The following TMEM196 variants were observed in gnomAD, a reference collection of about 807,000 sequenced individuals.
TMEM196 encodes the protein transmembrane protein 196.
In TMEM196, 17 loss-of-function variants were observed where a neutral mutation model predicts 20.0. That is an observed-to-expected ratio of 0.85 (90% confidence interval 0.58 to 1.27). TMEM196 has a LOEUF of 1.27. Ranked by LOEUF, TMEM196 falls within the 50% of genes most tolerant of loss-of-function variation. The pLI is 0.00. For synonymous variants in TMEM196, 113 were observed against 88.9 expected, an observed-to-expected ratio of 1.27 and a Z score of -1.52; for missense variants, 267 against 223.0, an observed-to-expected ratio of 1.20 and a Z score of -1.26.
intron 1 of TMEM196, among the ~76,000 whole-genome samples, chr7:19,737,213 A>G (rs1212059539): frequency 6.6e-6 from 1 of 152,072 alleles, no homozygotes; most frequent in Non-Finnish European, 1.5e-5. Context: ...CATAAAAAAG[A>G]TAGTCAACAT....
chr7:19,746,350 T>C (rs1265125758), intron 1 of TMEM196, among the ~76,000 whole-genome samples: 2 of 152,192 alleles, frequency 1.3e-5, no homozygotes, highest in African/African-American at 2.4e-5. Context: ...TGGCAAGAAG[T>C]TGAAGTAGAA....
intron 2 of TMEM196, among the ~76,000 whole-genome samples, chr7:19,727,172 C>T (rs1229549261): frequency 2.6e-5 from 4 of 152,294 alleles, no homozygotes; most frequent in Non-Finnish European, 2.9e-5. Context: ...GCAGCAGCTG[C>T]TGGCATTACA....
chr7:19,770,720 A>G (rs568497132), intron 1 of TMEM196, among the ~76,000 whole-genome samples: 2 of 152,306 alleles, frequency 1.3e-5, no homozygotes, highest in South Asian at 2.1e-4. Flanking sequence ...GACTATGTAG[A>G]TATGTCTGAC....
intron 1 of TMEM196, among the ~76,000 whole-genome samples, chr7:19,764,483 A>C (rs924178393): frequency 1.3e-5 from 2 of 152,078 alleles, no homozygotes; most frequent in Admixed American, 1.3e-4. Flanking sequence ...ACTCCATTTC[A>C]TTGCCTTTAC....
chr7:19,723,425 ATC>A (rs569041463), intron 4 of TMEM196, among the ~76,000 whole-genome samples: 72 of 152,300 alleles, frequency 4.7e-4, no homozygotes, highest in Middle Eastern at 3.4e-3. Flanking sequence ...TAAAAAGTGA[ATC>A]TGTTATATTA....
chr7:19,728,168 AT>A (rs925110072), intron 2 of TMEM196, among the ~76,000 whole-genome samples: 1 of 151,580 alleles, frequency 6.6e-6, no homozygotes, highest in South Asian at 2.1e-4. Flanking sequence ...TTCCTTTTTT[AT>A]TTTTTCCTTC....
At chr7:19,726,347 C>G (rs1169205175) in intron 2 of TMEM196, among the ~76,000 whole-genome samples, 1 of 152,124 alleles carries the variant, frequency 6.6e-6, no homozygotes, top group Non-Finnish European at 1.5e-5. Flanking sequence ...ATCTTTATAT[C>G]TTCCTACCTA....
intron 1 of TMEM196, among the ~76,000 whole-genome samples, chr7:19,755,531 T>C (rs1785175043): frequency 1.3e-5 from 2 of 152,174 alleles, no homozygotes; most frequent in African/African-American, 4.8e-5. Flanking sequence ...TTGATTTTAC[T>C]AGTAAAAAAA....
rs1451320553 is a variant in TMEM196, at chr7:19,764,229, A to T, written c.147+8321T>A. On this transcript the variant is annotated intron_variant, in intron 1 of 4. Transcript: ENST00000405844. Reference sequence around the variant, plus strand: ...ATGTACATCTCAGAACCCAGCTGGCATTCTGCCTTGAAATTGAGCAGCATT... The same window carrying T: ...ATGTACATCTCAGAACCCAGCTGGCTTTCTGCCTTGAAATTGAGCAGCATT... Among the ~76,000 whole-genome samples, 3 of 152,208 alleles carry T rather than the reference A, an allele frequency of 2.0e-5. No individual in the cohort carries two copies. In the East Asian group the frequency reaches 5.8e-4, roughly 29 times the overall value.
chr7:19,755,239 A>T (rs568119610), intron 1 of TMEM196, among the ~76,000 whole-genome samples: 2 of 152,354 alleles, frequency 1.3e-5, no homozygotes, highest in Non-Finnish European at 2.9e-5. Flanking sequence ...TGCCCTGATC[A>T]TACTTTTTGG....
chr7:19,750,439 G>A (rs1030638266), intron 1 of TMEM196, among the ~76,000 whole-genome samples: 1 of 151,204 alleles, frequency 6.6e-6, no homozygotes, highest in African/African-American at 2.4e-5. Context: ...TTTTTTTTTA[G>A]CAAATTTCCA....
At chr7:19,737,432 T>G (rs1784446980) in intron 1 of TMEM196, among the ~76,000 whole-genome samples, 1 of 151,996 alleles carries the variant, frequency 6.6e-6, no homozygotes, top group Non-Finnish European at 1.5e-5. Context: ...AAACATAGTC[T>G]TCCCATGTGG....
At chr7:19,754,251 A>G (rs1785112561) in intron 1 of TMEM196, among the ~76,000 whole-genome samples, 1 of 152,196 alleles carries the variant, frequency 6.6e-6, no homozygotes, top group African/African-American at 2.4e-5. Context: ...AGTCACTTGG[A>G]AGAATTCAAG....
rs1341607319 is a variant in TMEM196, at chr7:19,772,536, A to C, written c.147+14T>G. ...GAGTGAAATGGCTCAACGTACACAC[A>C]CCCCGCTCCATACCGGGGACGAGTC... On this transcript the variant is annotated intron_variant, in intron 1 of 4. Transcript: ENST00000405844. 3 of 1,534,156 alleles carry C rather than the reference A, an allele frequency of 2.0e-6. No homozygotes were observed. In the South Asian group the frequency reaches 3.7e-5, roughly 19 times the overall value.
chr7:19,732,156 G>C (rs768539581), intron 1 of TMEM196, among the ~76,000 whole-genome samples: 1 of 152,156 alleles, frequency 6.6e-6, no homozygotes, highest in Non-Finnish European at 1.5e-5. Flanking sequence ...TTAATCCCTC[G>C]AAGTTTACAC....
intron 1 of TMEM196, among the ~76,000 whole-genome samples, chr7:19,733,088 T>TA (rs1784271997): frequency 6.6e-6 from 1 of 152,256 alleles, no homozygotes; most frequent in Non-Finnish European, 1.5e-5. Context: ...TGTAGCAATC[T>TA]AATGATAAGG....
chr7:19,731,761 A>C (rs1784212956), intron 1 of TMEM196, among the ~76,000 whole-genome samples: 1 of 152,180 alleles, frequency 6.6e-6, no homozygotes, highest in African/African-American at 2.4e-5. Context: ...GTATTATCTC[A>C]CTTCAATTGG....
At chr7:19,761,865 T>G (rs1197591501) in intron 1 of TMEM196, among the ~76,000 whole-genome samples, 1 of 152,220 alleles carries the variant, frequency 6.6e-6, no homozygotes, top group Non-Finnish European at 1.5e-5. Flanking sequence ...AATCTTTCAG[T>G]GCACAGAACA....
At chr7:19,760,652 C>A (rs1472814276) in intron 1 of TMEM196, among the ~76,000 whole-genome samples, 1 of 152,128 alleles carries the variant, frequency 6.6e-6, no homozygotes, top group African/African-American at 2.4e-5. Flanking sequence ...TGAGCCACTG[C>A]GCCCAGCCTA....
Sources: gnomAD v4.1 joint callset for allele counts (sites outside exome capture counted in the v4.1 genomes callset) on GRCh38, gnomAD v4.1.1 for gene constraint, MANE v1.5 for transcripts, NCBI Gene and HGNC (gene_info 2026-07-23, HGNC 2026-07-21) for gene names.